The following VPS41 variants were observed in gnomAD, a reference collection of about 807,000 sequenced individuals.
VPS41 encodes vacuolar protein sorting-associated protein 41 homolog.
VPS41 carries 85 observed loss-of-function variants against 130.9 expected under a neutral mutation model. The observed-to-expected ratio is 0.65, with a 90% CI of 0.55 to 0.78. The LOEUF (loss-of-function observed/expected upper bound fraction) is 0.78, where lower values mean the gene tolerates loss of function less well. Ranked by LOEUF, VPS41 falls within the 30% of genes least tolerant of loss-of-function variation. The pLI, the probability that VPS41 is intolerant of heterozygous loss-of-function variation, is 0.00. For missense variants in VPS41, 874 were observed against 1,018.7 expected (o/e 0.86, Z 1.93); for synonymous variants, 335 against 332.9 (o/e 1.01, Z -0.07).
At chr7:38,771,295 G>T in intron 13 of VPS41, 41 bp from the exon 14 acceptor site, 1 of 1,037,852 alleles carries the variant, frequency 9.6e-7, no homozygotes, top group Non-Finnish European at 1.4e-6. Flanking sequence ...AAAAAAAAAA[G>T]CAGAAAAGGA....
At chr7:38,878,842 A>C (rs1434374721) in intron 2 of VPS41, among the ~76,000 whole-genome samples, 1 of 152,252 alleles carries the variant, frequency 6.6e-6, no homozygotes. Context: ...ATATGGAGCA[A>C]TGAAATAAGA....
Position 38,748,922 on chromosome 7 carries a change from C to T in VPS41, c.1926+3254G>A, listed in dbSNP as rs528468909. Among the ~76,000 whole-genome samples the T allele has an allele frequency of 3.9e-5, 6 of 152,142 alleles. No individual in the cohort carries two copies. The South Asian group carries it at 1.2e-3, about 32-fold the overall frequency. ...ACTTGGCTTGTCATGTATAAAACGA[C>T]TCTATCCACCTAACTGCACTTTTGT... On this transcript the variant is annotated intron_variant, in intron 22 of 28. Transcript: ENST00000310301.
intron 1 of VPS41, among the ~76,000 whole-genome samples, chr7:38,906,402 T>C (rs553408504): frequency 2.0e-5 from 3 of 152,108 alleles, no homozygotes; most frequent in African/African-American, 7.2e-5. Context: ...TGAAGTGCAG[T>C]GGCACGATCA....
At chr7:38,889,860 A>G (rs773321616) in intron 2 of VPS41, among the ~76,000 whole-genome samples, 6 of 152,196 alleles carry the variant, frequency 3.9e-5, no homozygotes, top group Non-Finnish European at 5.9e-5. Flanking sequence ...AAAATACAAT[A>G]CCAACTGATG....
intron 4 of VPS41, among the ~76,000 whole-genome samples, chr7:38,861,441 G>A (rs995371492): frequency 2.0e-5 from 3 of 152,122 alleles, no homozygotes; most frequent in Admixed American, 6.5e-5. Flanking sequence ...GTGTCCAGTG[G>A]GTAGAAGAGG....
At chr7:38,870,452 C>G (rs1248520657) in intron 2 of VPS41, among the ~76,000 whole-genome samples, 1 of 151,988 alleles carries the variant, frequency 6.6e-6, no homozygotes, top group Non-Finnish European at 1.5e-5. Context: ...AACTTAACTC[C>G]CTTAGAGTTC....
intron 4 of VPS41, among the ~76,000 whole-genome samples, chr7:38,851,059 G>T (rs779102282): frequency 6.6e-6 from 1 of 152,212 alleles, no homozygotes; most frequent in Non-Finnish European, 1.5e-5. Context: ...GACAGAGTCA[G>T]TAACAAGATC....
intron 7 of VPS41, among the ~76,000 whole-genome samples, chr7:38,805,571 G>A (rs1382754939): frequency 5.6e-5 from 8 of 143,836 alleles, no homozygotes; most frequent in African/African-American, 1.0e-4. Flanking sequence ...CCCAAAAGTT[G>A]AAAAAAAAAA....
chr7:38,763,395 T>C, intron 17 of VPS41, 60 bp downstream of exon 17: 2 of 1,212,426 alleles, frequency 1.6e-6, no homozygotes, highest in South Asian at 1.5e-5. Flanking sequence ...TATTCCTTTC[T>C]AGATTTCCTA....
At chr7:38,770,281 A>G (rs1006539131) in intron 14 of VPS41, among the ~76,000 whole-genome samples, 3 of 151,974 alleles carry the variant, frequency 2.0e-5, no homozygotes, top group African/African-American at 7.3e-5. Context: ...AAAAAAAAAA[A>G]AAAAGCCTTC....
At chr7:38,767,394 T>G (rs2074658) in intron 15 of VPS41, 143 bp downstream of exon 15, 6 of 448,738 alleles carry the variant, frequency 1.3e-5, no homozygotes, top group African/African-American at 4.1e-5. Context: ...AAAATTATAA[T>G]TTAAAAATAA....
At chr7:38,777,562 T>C (rs999411202) in intron 10 of VPS41, among the ~76,000 whole-genome samples, 5 of 152,324 alleles carry the variant, frequency 3.3e-5, no homozygotes, top group Non-Finnish European at 7.4e-5. Context: ...TGGGAGTGGC[T>C]TGTTTCAGAG....
At chr7:38,880,139 A>G (rs1786573935) in intron 2 of VPS41, among the ~76,000 whole-genome samples, 1 of 152,144 alleles carries the variant, frequency 6.6e-6, no homozygotes, top group Non-Finnish European at 1.5e-5. Flanking sequence ...AAAGCTTAGT[A>G]TCTGGTAATA....
chr7:38,884,946 G>C (rs1398185190), intron 2 of VPS41, among the ~76,000 whole-genome samples: 4 of 151,782 alleles, frequency 2.6e-5, no homozygotes, highest in Non-Finnish European at 5.9e-5. Context: ...TGAAATGTTA[G>C]GCTAATAATT....
chr7:38,806,834 G>A (rs957218181), intron 7 of VPS41, among the ~76,000 whole-genome samples: 1 of 152,136 alleles, frequency 6.6e-6, no homozygotes, highest in African/African-American at 2.4e-5. Flanking sequence ...ACAACCAGAA[G>A]CTAGCCTGGC....
chr7:38,761,973 A>G (rs910705654), intron 17 of VPS41, among the ~76,000 whole-genome samples: 1 of 152,180 alleles, frequency 6.6e-6, no homozygotes, highest in Non-Finnish European at 1.5e-5. Flanking sequence ...TAGACCATTA[A>G]TAATAATGCT....
intron 22 of VPS41, among the ~76,000 whole-genome samples, chr7:38,750,332 AG>A (rs1364502319): frequency 6.6e-6 from 1 of 152,256 alleles, no homozygotes; most frequent in Non-Finnish European, 1.5e-5. Context: ...TCTCTTATGA[AG>A]AAGTCTCAGT....
chr7:38,833,484 T>C (rs1562603369), intron 4 of VPS41, among the ~76,000 whole-genome samples: 1 of 152,236 alleles, frequency 6.6e-6, no homozygotes, highest in Non-Finnish European at 1.5e-5. Context: ...CCAGTCCTGA[T>C]GACCTTTTGC....
At chr7:38,772,265 A>G (rs975150489) in intron 13 of VPS41, among the ~76,000 whole-genome samples, 2 of 152,070 alleles carry the variant, frequency 1.3e-5, no homozygotes, top group Non-Finnish European at 2.9e-5. Flanking sequence ...TGAAACTTCC[A>G]ACAGTCTAGA....
Sources: allele counts gnomAD v4.1 joint callset (sites outside exome capture counted in the v4.1 genomes callset), GRCh38; gene constraint gnomAD v4.1.1; transcripts MANE v1.5; gene names NCBI Gene and HGNC (gene_info 2026-07-23, HGNC 2026-07-21).